The following CTNNA2 variants were observed in gnomAD, a reference collection of about 807,000 sequenced individuals.
CTNNA2 encodes the protein catenin alpha-2.
Under a neutral mutation model 101.0 loss-of-function variants are expected in CTNNA2, and 42 were observed. That is an observed-to-expected ratio of 0.42 (90% CI 0.32 to 0.54). CTNNA2 has a LOEUF of 0.54. CTNNA2 is among the 20% of genes least tolerant of loss of function. The pLI is 0.14. For missense variants in CTNNA2, 871 were observed against 1,223.1 expected (o/e 0.71, Z 4.29); for synonymous variants, 450 against 456.4 (o/e 0.99, Z 0.18).
chr2:80,386,311 TC>T (rs1490691281), intron 7 of CTNNA2, among the ~76,000 whole-genome samples: 4 of 152,176 alleles, frequency 2.6e-5, no homozygotes, highest in African/African-American at 9.7e-5. Context: ...TGGCCACTGT[TC>T]AACTTTCATC....
intron 1 of CTNNA2, among the ~76,000 whole-genome samples, chr2:79,647,809 T>A (rs1042249795): frequency 6.6e-6 from 1 of 152,188 alleles, no homozygotes; most frequent in Non-Finnish European, 1.5e-5. Flanking sequence ...GTTGATGGTT[T>A]GGTTGGGAGT....
At chr2:79,550,045 C>G (rs78470259) in intron 1 of CTNNA2, among the ~76,000 whole-genome samples, 2,754 of 152,208 alleles carry the variant, frequency 0.018, 74 homozygotes, top group African/African-American at 0.061. Context: ...CCATTTATTG[C>G]CTGACTGTCT....
chr2:80,098,023 A>G (rs1185099255), intron 7 of CTNNA2, among the ~76,000 whole-genome samples: 1 of 152,124 alleles, frequency 6.6e-6, no homozygotes, highest in African/African-American at 2.4e-5. Context: ...GTTAGTCTCC[A>G]TCCAGCTTTG....
chr2:80,169,208 G>A (rs893304467), intron 7 of CTNNA2, among the ~76,000 whole-genome samples: 2 of 152,214 alleles, frequency 1.3e-5, no homozygotes, highest in African/African-American at 2.4e-5. Flanking sequence ...CCCAAATGCT[G>A]TTATTTGTAG....
chr2:80,130,463 G>C (rs73940957), intron 7 of CTNNA2, among the ~76,000 whole-genome samples: 4,762 of 152,240 alleles, frequency 0.031, 234 homozygotes, highest in African/African-American at 0.11. Context: ...TTGGGAGTAT[G>C]TCTCCCACTC....
At chr2:79,370,111 T>C (rs1677837745) in intron 3 of CTNNA2, among the ~76,000 whole-genome samples, 2 of 152,178 alleles carry the variant, frequency 1.3e-5, no homozygotes, top group Admixed American at 1.3e-4. Flanking sequence ...CATACAAAGA[T>C]AATCTGACAC....
rs563580583 is a variant in CTNNA2 at position 80,269,804 on chromosome 2, T to TA, written c.1057-123406dup. 2.6e-5 allele frequency among the ~76,000 whole-genome samples: 4 copies of TA among 152,208 alleles called. No individual in the cohort carries two copies. In the South Asian group the frequency reaches 8.3e-4, roughly 32 times the overall value. On this transcript the variant is annotated intron_variant, in intron 7 of 18. Transcript: ENST00000402739. The stretch of plus-strand genomic sequence containing the variant: ...CCCACTCATTTTCTTAGTACTAATA[T>TA]ATTACAATTAAAACATTTTAAAACT...
intron 2 of CTNNA2, among the ~76,000 whole-genome samples, chr2:79,309,031 G>A (rs1676308339): frequency 1.3e-5 from 2 of 151,946 alleles, no homozygotes; most frequent in African/African-American, 4.8e-5. Context: ...CAAACAGGAA[G>A]TTTTATATAT....
intron 2 of CTNNA2, among the ~76,000 whole-genome samples, chr2:79,700,934 G>A (rs1684961072): frequency 6.6e-6 from 1 of 152,120 alleles, no homozygotes; most frequent in Non-Finnish European, 1.5e-5. Context: ...CTAGCATGGA[G>A]GAGAAATCTG....
chr2:80,218,994 A>C (rs1708424627), intron 7 of CTNNA2, among the ~76,000 whole-genome samples: 1 of 152,212 alleles, frequency 6.6e-6, no homozygotes, highest in Non-Finnish European at 1.5e-5. Flanking sequence ...CCACAACCAG[A>C]ATATAATCAC....
At chr2:79,602,462 G>T (rs931244908) in intron 1 of CTNNA2, among the ~76,000 whole-genome samples, 1 of 152,174 alleles carries the variant, frequency 6.6e-6, no homozygotes, top group East Asian at 1.9e-4. Context: ...AGGAGAAAAT[G>T]ATACCCATTA....
intron 8 of CTNNA2, among the ~76,000 whole-genome samples, chr2:80,397,797 C>A (rs767338837): frequency 6.6e-6 from 1 of 152,162 alleles, no homozygotes; most frequent in Non-Finnish European, 1.5e-5. Context: ...AAGCTGCAGC[C>A]AGGCAATCTG....
At chr2:80,514,242 A>G (rs1688928520) in intron 9 of CTNNA2, among the ~76,000 whole-genome samples, 1 of 152,150 alleles carries the variant, frequency 6.6e-6, no homozygotes. Context: ...GTGAGCAAGT[A>G]CAGGATCCAG....
chr2:79,735,907 A>G (rs1670840034), intron 2 of CTNNA2, among the ~76,000 whole-genome samples: 1 of 152,284 alleles, frequency 6.6e-6, no homozygotes. Context: ...TAAATTTTTA[A>G]TGCATCATTA....
chr2:79,732,787 A>G (rs1272846730), intron 2 of CTNNA2, among the ~76,000 whole-genome samples: 1 of 152,234 alleles, frequency 6.6e-6, no homozygotes, highest in Admixed American at 6.6e-5. Flanking sequence ...TTTCTGATCC[A>G]TAGGTCACTC....
chr2:79,243,781 A>G (rs1294714379), intron 2 of CTNNA2, among the ~76,000 whole-genome samples: 5 of 152,114 alleles, frequency 3.3e-5, no homozygotes, highest in African/African-American at 4.8e-5. Flanking sequence ...GAGGGAAGGG[A>G]GAAGGGGTAA....
At chr2:80,263,856 A>G (rs1344686992) in intron 7 of CTNNA2, among the ~76,000 whole-genome samples, 1 of 152,212 alleles carries the variant, frequency 6.6e-6, no homozygotes, top group African/African-American at 2.4e-5. Context: ...ACAGCCACTG[A>G]ATGTCTTCCA....
chr2:79,830,128 C>G (rs1650210811), intron 3 of CTNNA2, among the ~76,000 whole-genome samples: 1 of 152,118 alleles, frequency 6.6e-6, no homozygotes, highest in African/African-American at 2.4e-5. Context: ...CTGGGAACCT[C>G]TGGGGTGCAA....
chr2:80,114,706 C>A (rs1430738803), intron 7 of CTNNA2, among the ~76,000 whole-genome samples: 1 of 152,166 alleles, frequency 6.6e-6, no homozygotes, highest in Non-Finnish European at 1.5e-5. Flanking sequence ...TCAGACTTTC[C>A]ACAGAATTGC....
Sources: allele counts gnomAD v4.1 joint callset (sites outside exome capture counted in the v4.1 genomes callset), GRCh38; gene constraint gnomAD v4.1.1; transcripts MANE v1.5; gene names NCBI Gene and HGNC (gene_info 2026-07-23, HGNC 2026-07-21).